ADCY10: variants seen among roughly 807,000 people sequenced by gnomAD.
The protein encoded by ADCY10 is adenylate cyclase 10.
In ADCY10, 156 loss-of-function variants were observed where a neutral mutation model predicts 183.3. The observed-to-expected ratio is 0.85, with a 90% CI of 0.75 to 0.97. The LOEUF (loss-of-function observed/expected upper bound fraction) is 0.97, where lower values mean the gene tolerates loss of function less well. Among genes scored for constraint, ADCY10 ranks in the 50% least tolerant of loss-of-function variants. The pLI is 0.00. For missense variants in ADCY10, 1,745 were observed against 1,934.3 expected, an observed-to-expected ratio of 0.90 and a Z score of 1.84; for synonymous variants, 645 against 670.0, an observed-to-expected ratio of 0.96 and a Z score of 0.58.
chr1:167,864,793 A>G (rs1666563525), intron 14 of ADCY10, among the ~76,000 whole-genome samples: 1 of 152,074 alleles, frequency 6.6e-6, no homozygotes, highest in African/African-American at 2.4e-5. Context: ...ACAAGGGCGT[A>G]TCCCGAAAGC....
At chr1:167,861,325 C>G (rs922077102) in intron 14 of ADCY10, among the ~76,000 whole-genome samples, 2 of 152,348 alleles carry the variant, frequency 1.3e-5, no homozygotes, top group South Asian at 2.1e-4. Flanking sequence ...CAAGCCACTA[C>G]CCCCATCCAG....
At chr1:167,829,571 G>T in intron 25 of ADCY10, 148 bp from the exon 26 acceptor site, 1 of 845,152 alleles carries the variant, frequency 1.2e-6, no homozygotes, top group Admixed American at 2.2e-5. Context: ...TGACAAACAA[G>T]CACATTAATT....
chr1:167,893,703 A>C (rs1167873385), intron 8 of ADCY10, 150 bp downstream of exon 8: 1 of 488,362 alleles, frequency 2.0e-6, no homozygotes, highest in African/African-American at 2.3e-5. Flanking sequence ...CTCAAAAAAA[A>C]AAAAAAAAAA....
At chr1:167,837,202 GA>G in intron 22 of ADCY10, 46 bp downstream of exon 22, 1 of 1,488,450 alleles carries the variant, frequency 6.7e-7, no homozygotes, top group Non-Finnish European at 9.4e-7. Flanking sequence ...TGAATTTAAT[GA>G]CAATTATTTA....
At chr1:167,830,802 C>T (rs1663668158) in intron 25 of ADCY10, among the ~76,000 whole-genome samples, 1 of 152,238 alleles carries the variant, frequency 6.6e-6, no homozygotes, top group Non-Finnish European at 1.5e-5. Context: ...ACCTGCCTCC[C>T]ATTCTATTCA....
At chr1:167,831,056 G>C (rs982789018) in intron 25 of ADCY10, among the ~76,000 whole-genome samples, 1 of 152,166 alleles carries the variant, frequency 6.6e-6, no homozygotes, top group South Asian at 2.1e-4. Context: ...CGACCACCTT[G>C]GGCACATGTC....
intron 19 of ADCY10, among the ~76,000 whole-genome samples, chr1:167,846,815 C>T (rs1204552860): frequency 9.7e-6 from 1 of 102,626 alleles, no homozygotes; most frequent in Non-Finnish European, 2.0e-5. Flanking sequence ...GCTTGAATAT[C>T]GGTAGCTCAT....
At position 167,905,148 on chromosome 1, in the gene ADCY10, A is replaced by G. The variant is rs1669728210; in HGVS notation, c.-8T>C. The G allele has an allele frequency of 6.2e-7, 1 of 1,614,092 alleles. No homozygotes were observed. The highest frequency in any genetic ancestry group is 1.7e-5 in the Admixed American group (1 of 60,006). Reference sequence around the variant, plus strand: ...TTCTTTTGGAGTGTTCATGTTCAAGACAAATGTTCAGGATTTTATGGTGAC... The same window carrying G: ...TTCTTTTGGAGTGTTCATGTTCAAGGCAAATGTTCAGGATTTTATGGTGAC... On this transcript the variant is annotated 5_prime_UTR_variant, in exon 2 of 33. Transcript: ENST00000367851.
chr1:167,820,730 A>T (rs1472705007), intron 30 of ADCY10: 1 of 152,310 alleles, frequency 6.6e-6, no homozygotes, highest in East Asian at 1.9e-4. Context: ...TGAGCCCAGG[A>T]GTTGGAGACC....
At position 167,845,763 on chromosome 1, in the gene ADCY10, G is replaced by C. The variant is rs1664969305; in HGVS notation, c.2807C>G (p.Thr936Arg). The C allele has an allele frequency of 1.2e-6, 2 of 1,614,218 alleles. No homozygotes were observed. Among genetic ancestry groups the C allele is most frequent in the Non-Finnish European group, 1.7e-6 (2 of 1,180,050 alleles). The change falls in exon 21 of 33, where the codon ACA (threonine) becomes AGA (arginine). Residue 936 changes from threonine to arginine, a missense_variant. Physicochemically the swap from Thr to Arg is moderately conservative, Grantham distance 71. Transcript: ENST00000367851. ...GTCCTTGAGCCACAGCTCGTAGGCT[G>C]TTTTCTGCATCATAGGGTTACAGAA... is the stretch of plus-strand genomic sequence containing the variant. ...IRFCNPMMQK[T>R]AYELWLKDQR...
chr1:167,904,810 G>A, intron 2 of ADCY10, 183 bp downstream of exon 2: 2 of 733,928 alleles, frequency 2.7e-6, no homozygotes, highest in Non-Finnish European at 4.7e-6. Flanking sequence ...GAGTAAGGGA[G>A]GATGAGAGAG....
intron 32 of ADCY10, among the ~76,000 whole-genome samples, chr1:167,810,149 C>G (rs1384138681): frequency 6.6e-6 from 1 of 152,096 alleles, no homozygotes; most frequent in Non-Finnish European, 1.5e-5. Context: ...AGATGTAACA[C>G]AAAGTGGAAA....
intron 2 of ADCY10, 95 bp from the exon 3 acceptor site, chr1:167,904,086 T>C (rs955526337): frequency 4.1e-6 from 2 of 486,866 alleles, no homozygotes; most frequent in Non-Finnish European, 7.1e-6. Context: ...CCTCAGCTTT[T>C]TTTTTTTTTT....
At chr1:167,841,508 T>TTTTTC in intron 21 of ADCY10, among the ~76,000 whole-genome samples, 1 of 146,428 alleles carries the variant, frequency 6.8e-6, no homozygotes, top group African/African-American at 2.6e-5. Context: ...TTTCCTTTTT[T>TTTTTC]TTTTTTTTTT....
Position 167,810,579 on chromosome 1 carries a change from G to A in ADCY10, c.4671+146C>T, listed in dbSNP as rs559842911. 3.9e-6 allele frequency: 3 copies of A among 775,256 alleles called. No individual in the cohort carries two copies. In the South Asian group the frequency reaches 4.5e-5, roughly 12 times the overall value. The allele number at this position is 775,256 out of a possible 1,614,324, so 48.0% of individuals were successfully genotyped here. On this transcript the variant is annotated intron_variant, in intron 32 of 32. Transcript: ENST00000367851. ...TTGGACTTCCAGCTTCCAAAACTGA[G>A]CAGTAGGTTTCTATTGTTCATCAAT...
In ADCY10 at chr1:167,846,010, C is replaced by T. The variant is rs937225797; in HGVS notation, c.2691G>A (p.Leu897=). The change falls in exon 20 of 33, where the codon TTG becomes TTA. Residue 897 remains leucine, a synonymous_variant. Coordinates refer to ENST00000367851, the MANE Select transcript of ADCY10 (RefSeq NM_018417.6). ...DPSFEVHYRS[L]SLKPSEGMDH... ...CCATCCCTTCACTGGGCTTCAGAGACAAGGAACGATAGTGCACCTCAAATG... is the reference window on the plus strand; with the variant it reads ...CCATCCCTTCACTGGGCTTCAGAGATAAGGAACGATAGTGCACCTCAAATG... The T allele has an allele frequency of 3.1e-6, 5 of 1,614,102 alleles. No homozygotes were observed. Among genetic ancestry groups the T allele is most frequent in the Non-Finnish European group, 4.2e-6 (5 of 1,180,034 alleles).
rs1667770005 is a variant in ADCY10, at chr1:167,880,167, AC to A, written c.1163del (p.Ser388MetfsTer13). The part of the protein sequence containing the change: ...KIQTVSIGVA[S>X]GIVFCGIVGH... ...CAACGATCCCACAGAAGACAATCCC[AC>A]TGGCAACACCGATGGATACAGTTCT... On this transcript the variant is annotated frameshift_variant, in exon 11 of 33. Transcript: ENST00000367851. LOFTEE classifies it high-confidence loss of function. 6.2e-7 allele frequency: 1 copy of A among 1,613,462 alleles called. No homozygotes were observed. Among genetic ancestry groups the A allele is most frequent in the Non-Finnish European group, 8.5e-7 (1 of 1,179,858 alleles).
At chr1:167,903,432 C>T (rs377727910) in intron 3 of ADCY10, among the ~76,000 whole-genome samples, 7 of 151,632 alleles carry the variant, frequency 4.6e-5, no homozygotes, top group African/African-American at 1.5e-4. Flanking sequence ...GGTGTGGGGG[C>T]GGGCGCCTGT....
chr1:167,823,531 A>G (rs1663063426), intron 28 of ADCY10, among the ~76,000 whole-genome samples: 1 of 151,918 alleles, frequency 6.6e-6, no homozygotes, highest in Non-Finnish European at 1.5e-5. Flanking sequence ...GTATGTGTAC[A>G]CTGCTCGGGT....
Sources: allele counts gnomAD v4.1 joint callset (sites outside exome capture counted in the v4.1 genomes callset), GRCh38; gene constraint gnomAD v4.1.1; transcripts MANE v1.5; gene names NCBI Gene and HGNC (gene_info 2026-07-23, HGNC 2026-07-21).